FTO: variants seen among roughly 807,000 people sequenced by gnomAD.
FTO encodes FTO alpha-ketoglutarate dependent dioxygenase, also known as alpha-ketoglutarate-dependent dioxygenase FTO.
A neutral mutation model predicts 63.9 loss-of-function variants in FTO; 47 were observed. The observed-to-expected ratio is 0.74, with a 90% CI of 0.58 to 0.94. The LOEUF is 0.94. Among genes scored for constraint, FTO ranks in the 40% least tolerant of loss-of-function variants. The pLI is 0.00. For synonymous variants in FTO, 207 were observed against 224.4 expected (o/e 0.92, Z 0.69); for missense variants, 562 against 618.1 (o/e 0.91, Z 0.96).
At chr16:53,770,245 C>T (rs982439063) in intron 1 of FTO, among the ~76,000 whole-genome samples, 8 of 152,114 alleles carry the variant, frequency 5.3e-5, no homozygotes, top group African/African-American at 9.7e-5. Context: ...TTCTTCCTAA[C>T]GAACCTCCTT....
intron 8 of FTO, among the ~76,000 whole-genome samples, chr16:53,989,162 G>A (rs2083743023): frequency 6.6e-6 from 1 of 152,156 alleles, no homozygotes; most frequent in South Asian, 2.1e-4. Context: ...GTCAAGCAAA[G>A]CTTCATTTGA....
At chr16:53,781,071 C>T (rs2077575960) in intron 1 of FTO, among the ~76,000 whole-genome samples, 1 of 152,172 alleles carries the variant, frequency 6.6e-6, no homozygotes, top group African/African-American at 2.4e-5. Context: ...CCCAACTGTG[C>T]CCCTAGAGCT....
At chr16:53,720,631 T>TTATATATA (rs1400653510) in intron 1 of FTO, among the ~76,000 whole-genome samples, 1 of 145,382 alleles carries the variant, frequency 6.9e-6, no homozygotes, top group African/African-American at 2.6e-5. Flanking sequence ...TATATATCTT[T>TTATATATA]TATATATATA....
intron 1 of FTO, among the ~76,000 whole-genome samples, chr16:53,716,676 C>G (rs2075901242): frequency 6.6e-6 from 1 of 151,550 alleles, no homozygotes; most frequent in Non-Finnish European, 1.5e-5. Flanking sequence ...AATATAGAAC[C>G]ACACTGTATA....
intron 5 of FTO, among the ~76,000 whole-genome samples, chr16:53,876,290 C>T (rs948567597): frequency 6.6e-6 from 1 of 151,962 alleles, no homozygotes; most frequent in Non-Finnish European, 1.5e-5. Flanking sequence ...AAATGGTAGC[C>T]TACTATATAT....
At chr16:53,789,991 T>C (rs1275825332) in intron 1 of FTO, among the ~76,000 whole-genome samples, 1 of 149,392 alleles carries the variant, frequency 6.7e-6, no homozygotes, top group Non-Finnish European at 1.5e-5. Context: ...TACAAATATA[T>C]AATATGTTTG....
intron 7 of FTO, among the ~76,000 whole-genome samples, chr16:53,901,639 A>C (rs138635063): frequency 7.9e-5 from 12 of 152,234 alleles, no homozygotes; most frequent in Non-Finnish European, 1.5e-4. Flanking sequence ...ATTGCACTTC[A>C]GCTTGTCAGT....
chr16:54,065,789 G>A (rs2085713559), intron 8 of FTO, among the ~76,000 whole-genome samples: 1 of 152,194 alleles, frequency 6.6e-6, no homozygotes, highest in South Asian at 2.1e-4. Flanking sequence ...CACTGTTAGG[G>A]ATCATGGCAC....
At chr16:53,878,196 G>A (rs1393993399) in intron 5 of FTO, among the ~76,000 whole-genome samples, 3 of 152,258 alleles carry the variant, frequency 2.0e-5, no homozygotes, top group East Asian at 3.9e-4. Context: ...TACTTGGGAG[G>A]CTGAGGCAGG....
At chr16:53,939,472 A>G (rs774203339) in intron 8 of FTO, among the ~76,000 whole-genome samples, 7 of 152,230 alleles carry the variant, frequency 4.6e-5, no homozygotes, top group African/African-American at 7.2e-5. Context: ...AAAATTGCAT[A>G]TAACAAAATT....
At position 54,112,372 on chromosome 16, in the gene FTO, A is replaced by G. The variant is rs2086910699; in HGVS notation, c.*457A>G. On this transcript the variant is annotated 3_prime_UTR_variant, in exon 9 of 9. Coordinates refer to ENST00000471389, the MANE Select transcript of FTO (RefSeq NM_001080432.3). The stretch of plus-strand genomic sequence containing the variant: ...TGGTAGCCACTAGCTAGCTGTGGCT[A>G]CTTCAATTTAAATTCAGTTTTAATT... The G allele has an allele frequency of 5.4e-6, 1 of 185,654 alleles. No individual in the cohort carries two copies. Among genetic ancestry groups the G allele is most frequent in the Admixed American group, 5.3e-5 (1 of 18,692 alleles). 11.5% of individuals were successfully genotyped at this position (185,654 alleles called of 1,614,324 possible).
chr16:54,074,911 AGAGAGAGTGTGTGTGTGT>A (rs1466521480), intron 8 of FTO, among the ~76,000 whole-genome samples: 5 of 115,772 alleles, frequency 4.3e-5, no homozygotes, highest in Admixed American at 1.7e-4. Context: ...AGAGAGAGAG[AGAGAGAGTGTGTGTGTGT>A]GTGTGTGTGT....
intron 8 of FTO, among the ~76,000 whole-genome samples, chr16:54,003,901 G>A (rs574686646): frequency 3.4e-4 from 52 of 152,216 alleles, no homozygotes; most frequent in African/African-American, 1.2e-3. Context: ...TATAATTTTT[G>A]TGAGAACATT....
chr16:54,069,266 C>T lies in FTO; in HGVS notation c.1365-42496C>T, dbSNP rs549886102. Among the ~76,000 whole-genome samples, 38 of 152,180 alleles carry T rather than the reference C, an allele frequency of 2.5e-4. 1 individual carries two copies. In the South Asian group the frequency reaches 7.5e-3, roughly 30 times the overall value. On this transcript the variant is annotated intron_variant, in intron 8 of 8. Transcript: ENST00000471389. Reference sequence around the variant, plus strand: ...CCTTCAGTTCTCAGCCAGCTGGGGCCGTCTGCACCACCTGGGCCTAAAAAG... The same window carrying T: ...CCTTCAGTTCTCAGCCAGCTGGGGCTGTCTGCACCACCTGGGCCTAAAAAG...
At chr16:53,942,141 G>A (rs918740335) in intron 8 of FTO, among the ~76,000 whole-genome samples, 33 of 151,710 alleles carry the variant, frequency 2.2e-4, no homozygotes, top group African/African-American at 7.3e-4. Flanking sequence ...CTTGAAATTC[G>A]AAGTCAGGAT....
At chr16:53,769,532 G>A (rs1431903627) in intron 1 of FTO, among the ~76,000 whole-genome samples, 2 of 152,118 alleles carry the variant, frequency 1.3e-5, no homozygotes, top group Non-Finnish European at 2.9e-5. Flanking sequence ...CGATACAAGT[G>A]TTAGATATCA....
intron 4 of FTO, among the ~76,000 whole-genome samples, chr16:53,857,557 A>G (rs2080043340): frequency 6.6e-6 from 1 of 151,840 alleles, no homozygotes; most frequent in East Asian, 1.9e-4. Flanking sequence ...GTGCTAGAGT[A>G]GGCTTGGAGC....
At chr16:53,904,636 T>C (rs908248848) in intron 7 of FTO, among the ~76,000 whole-genome samples, 4 of 152,148 alleles carry the variant, frequency 2.6e-5, no homozygotes, top group South Asian at 2.1e-4. Context: ...TAGGCCTTTG[T>C]GCTATAACTA....
intron 7 of FTO, chr16:53,911,241 G>C: frequency 1.6e-6 from 1 of 632,108 alleles, no homozygotes; most frequent in East Asian, 2.7e-5. Flanking sequence ...ATTGGAGTGA[G>C]TAAGAGAGAA....
Sources: gnomAD v4.1 joint callset for allele counts (sites outside exome capture counted in the v4.1 genomes callset) on GRCh38, gnomAD v4.1.1 for gene constraint, MANE v1.5 for transcripts, NCBI Gene and HGNC (gene_info 2026-07-23, HGNC 2026-07-21) for gene names.